The following CFAP20DC variants were observed in gnomAD, a reference collection of about 807,000 sequenced individuals.
CFAP20DC encodes CFAP20 domain containing, also known as protein CFAP20DC.
A neutral mutation model predicts 101.7 loss-of-function variants in CFAP20DC; 84 were observed. The ratio of observed to expected loss-of-function variants is 0.83; its 90% CI spans 0.69 to 0.99. CFAP20DC has a LOEUF of 0.99. CFAP20DC is among the 50% of genes least tolerant of loss of function. The probability of loss-of-function intolerance (pLI) is 0.00; values close to 1 mark genes in which losing one functional copy is unlikely to be tolerated. For synonymous variants in CFAP20DC, 359 were observed against 351.2 expected, an observed-to-expected ratio of 1.02 and a Z score of -0.25; for missense variants, 1,007 against 970.3, an observed-to-expected ratio of 1.04 and a Z score of -0.50.
chr3:59,047,057 G>T, intron 2 of CFAP20DC, 108 bp downstream of exon 2: 1 of 714,686 alleles, frequency 1.4e-6, no homozygotes, highest in Non-Finnish European at 2.3e-6. Flanking sequence ...GGGTTTTGGA[G>T]TGAAAGAACA....
In CFAP20DC at chr3:58,849,408, C is replaced by A; in HGVS notation, c.1595G>T (p.Gly532Val). The A allele has an allele frequency of 2.7e-6, 4 of 1,508,564 alleles. No individual in the cohort carries two copies. The allele number at this position is 1,508,564 out of a possible 1,614,324, so 93.4% of individuals were successfully genotyped here. A position where few individuals can be genotyped will look rare whatever the true frequency, so the allele number is the denominator to read the frequency against. Reference protein sequence around the residue: ...DFYGGDSSEEGNHSIQGSRGP... With the variant: ...DFYGGDSSEEVNHSIQGSRGP... The stretch of plus-strand genomic sequence containing the variant: ...TCGAGAACCCTGGATACTGTGGTTA[C>A]CCTATGTTGGGGAACAAAGTAAAAA... Residue 532 changes from glycine to valine, a missense_variant and splice_region_variant, in exon 13 of 17, where the codon GGT becomes GTT. Physicochemically the swap from Gly to Val is moderately radical, Grantham distance 109. Coordinates refer to ENST00000482387, the MANE Select transcript of CFAP20DC (RefSeq NM_001394063.1).
intron 4 of CFAP20DC, among the ~76,000 whole-genome samples, chr3:58,950,574 T>C (rs1049226508): frequency 6.6e-6 from 1 of 152,090 alleles, no homozygotes; most frequent in Non-Finnish European, 1.5e-5. Flanking sequence ...TATAGACCAA[T>C]GGAACAGAAC....
At chr3:58,805,414 T>C (rs1247167380) in intron 15 of CFAP20DC, among the ~76,000 whole-genome samples, 1 of 152,210 alleles carries the variant, frequency 6.6e-6, no homozygotes, top group Non-Finnish European at 1.5e-5. Flanking sequence ...TACAGCCCCG[T>C]ATCTTACTTA....
chr3:59,028,184 C>A, intron 4 of CFAP20DC, among the ~76,000 whole-genome samples: 1 of 152,092 alleles, frequency 6.6e-6, no homozygotes, highest in East Asian at 1.9e-4. Context: ...TATCCACAGG[C>A]ATATGATCCT....
Position 58,971,268 on chromosome 3 carries a change from A to G in CFAP20DC, c.279-33506T>C, listed in dbSNP as rs753766258. 1.1e-4 allele frequency among the ~76,000 whole-genome samples: 17 copies of G among 152,216 alleles called. No homozygotes were observed. The highest frequency in any genetic ancestry group is 2.1e-4 in the South Asian group (1 of 4,832). ...ATCACAAATCAGTTAAGGATTCACA[A>G]TTATCAACACAAACTATGATTATAA... is the stretch of plus-strand genomic sequence containing the variant. On this transcript the variant is annotated intron_variant, in intron 4 of 16. Transcript: ENST00000482387. This position sits in a 1 kb window ranked among gnomAD's most constrained non-coding sequence, Gnocchi z 4.1.
rs1011214850 is a variant in CFAP20DC, at chr3:59,001,590, T to C, written c.278+37967A>G. On this transcript the variant is annotated intron_variant, in intron 4 of 16. Transcript: ENST00000482387. This position sits in a 1 kb window ranked among gnomAD's most constrained non-coding sequence, Gnocchi z 4.5. ...CCACGCCCAGCTAATTTTGTATTTT[T>C]AGTAGAGATGGGGTTTCTCCATGTT... is the stretch of plus-strand genomic sequence containing the variant. Among the ~76,000 whole-genome samples, 1 of 152,180 alleles carries C rather than the reference T, an allele frequency of 6.6e-6. No homozygotes were observed.
At chr3:58,876,100 A>G (rs2080729469) in intron 7 of CFAP20DC, among the ~76,000 whole-genome samples, 1 of 152,148 alleles carries the variant, frequency 6.6e-6, no homozygotes, top group Admixed American at 6.5e-5. Context: ...CATTTGGTAC[A>G]CTTTATTTTT....
chr3:58,979,911 G>A (rs1163797677), intron 4 of CFAP20DC, among the ~76,000 whole-genome samples: 1 of 151,810 alleles, frequency 6.6e-6, no homozygotes, highest in African/African-American at 2.4e-5. Flanking sequence ...CAGCAAATAG[G>A]TTTCGTCTTA....
chr3:58,754,738 C>T (rs1479234957), intron 15 of CFAP20DC, among the ~76,000 whole-genome samples: 1 of 152,154 alleles, frequency 6.6e-6, no homozygotes, highest in African/African-American at 2.4e-5. Flanking sequence ...GGAGACAGTT[C>T]TAGACAACAG....
chr3:58,753,920 T>G, intron 15 of CFAP20DC, 57 bp from the exon 16 acceptor site: 1 of 1,244,124 alleles, frequency 8.0e-7, no homozygotes, highest in Non-Finnish European at 1.1e-6. Context: ...AGATTTTAGG[T>G]TTCCCATGGA....
At chr3:58,926,354 C>T (rs533331225) in intron 5 of CFAP20DC, among the ~76,000 whole-genome samples, 4 of 149,154 alleles carry the variant, frequency 2.7e-5, no homozygotes, top group African/African-American at 5.0e-5. Flanking sequence ...CGACAGAGTG[C>T]GTGAGACTCC....
intron 15 of CFAP20DC, among the ~76,000 whole-genome samples, chr3:58,759,991 T>C (rs1200345931): frequency 6.6e-6 from 1 of 152,212 alleles, no homozygotes; most frequent in Non-Finnish European, 1.5e-5. Flanking sequence ...TTTGTTCTTT[T>C]GGCTTAGGAT....
chr3:58,920,072 CTTTTTTTTTTTTT>C (rs71091396), intron 5 of CFAP20DC, among the ~76,000 whole-genome samples: 6 of 46,788 alleles, frequency 1.3e-4, no homozygotes, highest in African/African-American at 5.1e-4. Context: ...GGTGGATATT[CTTTTTTTTTTTTT>C]TTTTTTTTTT....
At chr3:59,043,966 G>A (rs1434762487) in intron 3 of CFAP20DC, among the ~76,000 whole-genome samples, 3 of 152,116 alleles carry the variant, frequency 2.0e-5, no homozygotes, top group Admixed American at 2.0e-4. Context: ...GATGATTCAG[G>A]AAGATCCCTG....
chr3:59,003,790 G>C (rs907879272), intron 4 of CFAP20DC, among the ~76,000 whole-genome samples: 1 of 152,208 alleles, frequency 6.6e-6, no homozygotes, highest in African/African-American at 2.4e-5. Flanking sequence ...CGGGAAGAAA[G>C]TAGAGGAACC....
In CFAP20DC at chr3:59,006,003, G is replaced by C. The variant is rs985199184; in HGVS notation, c.278+33554C>G. Among the ~76,000 whole-genome samples, 2 of 152,070 alleles carry C rather than the reference G, an allele frequency of 1.3e-5. No individual in the cohort carries two copies. Among genetic ancestry groups the C allele is most frequent in the African/African-American group, 2.4e-5 (1 of 41,484 alleles). On this transcript the variant is annotated intron_variant, in intron 4 of 16. Coordinates refer to ENST00000482387, the MANE Select transcript of CFAP20DC (RefSeq NM_001394063.1). The surrounding 1 kb of genome is among the most constrained non-coding windows in gnomAD (Gnocchi z 4.3). ...AGTAATTTGGGCATATAGAGGAAGG[G>C]AAATAATTCACAAGATGGAATTACT...
intron 15 of CFAP20DC, among the ~76,000 whole-genome samples, chr3:58,789,937 T>C (rs950601690): frequency 6.6e-5 from 10 of 151,982 alleles, no homozygotes; most frequent in African/African-American, 2.4e-4. Context: ...ACATAAATTA[T>C]AAAAAAGGTA....
At chr3:58,926,794 T>A (rs1263846800) in intron 5 of CFAP20DC, among the ~76,000 whole-genome samples, 2 of 152,210 alleles carry the variant, frequency 1.3e-5, no homozygotes, top group African/African-American at 4.8e-5. Flanking sequence ...TGACAAACAC[T>A]GGGTATCTGA....
rs1444026886 is a variant in CFAP20DC at position 58,795,976 on chromosome 3, G to T, written c.2237+10419C>A. On this transcript the variant is annotated intron_variant, in intron 15 of 16. Transcript: ENST00000482387. The surrounding 1 kb of genome is among the most constrained non-coding windows in gnomAD (Gnocchi z 4.2). ...GGTGGGGTTAGCTGATGCTCAGGCA[G>T]GCGGGTCCAGACACGAACATGGAGA... Among the ~76,000 whole-genome samples, 2 of 152,160 alleles carry T rather than the reference G, an allele frequency of 1.3e-5. No individual in the cohort carries two copies. Among genetic ancestry groups the T allele is most frequent in the Non-Finnish European group, 2.9e-5 (2 of 68,034 alleles).
Sources: allele counts gnomAD v4.1 joint callset (sites outside exome capture counted in the v4.1 genomes callset), GRCh38; gene constraint gnomAD v4.1.1; non-coding constraint Gnocchi (gnomAD v3.1); transcripts MANE v1.5; gene names NCBI Gene and HGNC (gene_info 2026-07-23, HGNC 2026-07-21).